The following SRSF6 variants were observed in gnomAD, a reference collection of about 807,000 sequenced individuals.
The protein encoded by SRSF6 is serine and arginine rich splicing factor 6.
In SRSF6, 17 loss-of-function variants were observed where a neutral mutation model predicts 42.0. The observed-to-expected ratio is 0.40, with a 90% CI of 0.28 to 0.61. SRSF6 has a LOEUF of 0.61. Among genes scored for constraint, SRSF6 ranks in the 20% least tolerant of loss-of-function variants. SRSF6 has a pLI of 0.37. For missense variants in SRSF6, 379 were observed against 471.4 expected, an observed-to-expected ratio of 0.80 and a Z score of 1.81; for synonymous variants, 204 against 166.7, an observed-to-expected ratio of 1.22 and a Z score of -1.72.
Position 43,463,930 on chromosome 20 carries a change from A to G in SRSF6, c.*2867A>G, listed in dbSNP as rs942739242. The G allele has an allele frequency of 6.6e-6, 1 of 152,244 alleles. No individual in the cohort carries two copies. The highest frequency in any genetic ancestry group is 2.4e-5 in the African/African-American group (1 of 41,472). 9.4% of individuals were successfully genotyped at this position (152,244 alleles called of 1,614,324 possible). On this transcript the variant is annotated 3_prime_UTR_variant, in exon 6 of 6. Coordinates refer to ENST00000244020, the MANE Select transcript of SRSF6 (RefSeq NM_006275.6). ...TTACAAATATACATGGTTGGACCAT[A>G]CCTTGGAATCTACTTGCTAATGCAG...
intron 2 of SRSF6, chr20:43,459,088 A>T: frequency 7.6e-7 from 1 of 1,323,968 alleles, no homozygotes; most frequent in Non-Finnish European, 1.0e-6. Flanking sequence ...TAAATGTTTG[A>T]TGTTTAAATT....
Position 43,461,337 on chromosome 20 carries a change from G to GTTTGTTTTTTTTT in SRSF6, c.*277_*278insGTTTTTTTTTTTT, listed in dbSNP as rs2017589449. On this transcript the variant is annotated 3_prime_UTR_variant, in exon 6 of 6. Coordinates refer to ENST00000244020, the MANE Select transcript of SRSF6 (RefSeq NM_006275.6). The stretch of plus-strand genomic sequence containing the variant: ...GTAAAGATTAAGCTCATTTAGTGTT[G>GTTTGTTTTTTTTT]TTTTTTTTTTTTTTTTTTTTTTTTT... 2.3e-5 allele frequency: 1 copy of GTTTGTTTTTTTTT among 43,828 alleles called. No homozygotes were observed. The highest frequency in any genetic ancestry group is 8.2e-5 in the African/African-American group (1 of 12,240). 2.7% of individuals were successfully genotyped at this position (43,828 alleles called of 1,614,324 possible).
intron 2 of SRSF6, 117 bp downstream of exon 2, chr20:43,458,626 C>A: frequency 9.5e-7 from 1 of 1,054,730 alleles, no homozygotes; most frequent in Non-Finnish European, 1.3e-6. Context: ...ACTTGGGTGT[C>A]CCCGAGCCCC....
Position 43,460,930 on chromosome 20 carries a change from C to G in SRSF6, c.902C>G (p.Ser301Cys). 1.9e-6 allele frequency: 3 copies of G among 1,614,172 alleles called. No individual in the cohort carries two copies. Among genetic ancestry groups the G allele is most frequent in the Non-Finnish European group, 2.5e-6 (3 of 1,180,028 alleles). Residue 301 changes from serine (S) to cysteine (C), a missense_variant, in exon 6 of 6, where the codon TCC (serine) becomes TGC (cysteine). By Grantham distance (112) the Ser-to-Cys change is moderately radical. Around this residue, in one of 3 missense-constraint regions of SRSF6, gnomAD observed 219 missense variants for 216.1 expected, o/e 1.01. Transcript: ENST00000244020. ...TCCAGATCAAGGAGCCAGTCCCGTT[C>G]CAATTCGCCGCTACCTGTTCCACCC... ...SKSRSRSQSR[S>C]NSPLPVPPSK...
rs145109946 is a variant in SRSF6, at chr20:43,460,864, G to C, written c.836G>C (p.Arg279Pro). 6.2e-7 allele frequency: 1 copy of C among 1,613,920 alleles called. No individual in the cohort carries two copies. Among genetic ancestry groups the C allele is most frequent in the South Asian group, 1.1e-5 (1 of 91,084 alleles). Residue 279 changes from arginine to proline, a missense_variant, in exon 6 of 6, where the codon CGA (arginine) becomes CCA (proline). Physicochemically the swap from Arg to Pro is moderately radical, Grantham distance 103. This residue lies in a region of SRSF6 where 219 missense variants were observed against 216.1 expected (regional missense o/e 1.01). Transcript: ENST00000244020. ...YEKSRSRSRS[R>P]SPKENGKGDI... The stretch of plus-strand genomic sequence containing the variant: ...AAATCTCGAAGCAGGTCTCGGTCCC[G>C]ATCCCCTAAAGAAAATGGAAAGGGT...
At chr20:43,458,270 G>A in intron 1 of SRSF6, 91 bp from the exon 2 acceptor site, 7 of 1,397,698 alleles carry the variant, frequency 5.0e-6, no homozygotes, top group Non-Finnish European at 6.5e-6. Flanking sequence ...GCGCGGCGTC[G>A]CGGGGGCGCG....
In SRSF6 at chr20:43,464,164, CT is replaced by C. The variant is rs1348801219; in HGVS notation, c.*3104del. 6.6e-6 allele frequency: 1 copy of C among 152,124 alleles called. No homozygotes were observed. Among genetic ancestry groups the C allele is most frequent in the Non-Finnish European group, 1.5e-5 (1 of 68,028 alleles). 9.4% of individuals were successfully genotyped at this position (152,124 alleles called of 1,614,324 possible). ...TTCAGAACCAACAGTGTGAATAATC[CT>C]TTCAGTTGTCTATCAGCATGAATTT... On this transcript the variant is annotated 3_prime_UTR_variant, in exon 6 of 6. Transcript: ENST00000244020.
At position 43,460,844 on chromosome 20, in the gene SRSF6, T is replaced by C. The variant is rs375642073; in HGVS notation, c.816T>C (p.Ser272=). 220 of 1,613,972 alleles carry C rather than the reference T, an allele frequency of 1.4e-4. No individual in the cohort carries two copies. The highest frequency in any genetic ancestry group is 1.8e-4 in the Non-Finnish European group (211 of 1,180,032). ...GATCTAAGGATGAGTATGAGAAATCTCGAAGCAGGTCTCGGTCCCGATCCC... is the reference window on the plus strand; with the variant it reads ...GATCTAAGGATGAGTATGAGAAATCCCGAAGCAGGTCTCGGTCCCGATCCC... ...RSRSKDEYEK[S]RSRSRSRSPK... is the part of the protein sequence containing the mutation. The change falls in exon 6 of 6, where the codon TCT becomes TCC. Residue 272 remains serine, a synonymous_variant. Transcript: ENST00000244020.
intron 2 of SRSF6, chr20:43,459,094 AAATTGTTGCATGTTGAATTCAAACTTTT>A: frequency 7.5e-7 from 1 of 1,335,764 alleles, no homozygotes; most frequent in Non-Finnish European, 9.9e-7. Context: ...TTTGATGTTT[AAATTGTTGCATGTTGAATTCAAACTTTT>A]TAACAAGTCC....
At chr20:43,458,823 TTACC>T (rs112824898) in intron 2 of SRSF6, among the ~76,000 whole-genome samples, 3,842 of 150,754 alleles carry the variant, frequency 0.025, 175 homozygotes, top group African/African-American at 0.089. Flanking sequence ...TTCTCCTTAC[TTACC>T]TATCAGTGCA....
chr20:43,458,163 CGCCCAGCGTCCCAGGCCTGG>C (rs2017528402), intron 1 of SRSF6, 23 bp downstream of exon 1: 1 of 1,604,178 alleles, frequency 6.2e-7, no homozygotes, highest in African/African-American at 1.3e-5. Context: ...TGGGCGCCCG[CGCCCAGCGTCCCAGGCCTGG>C]TGGCGGCGGG....
At position 43,461,809 on chromosome 20, in the gene SRSF6, T is replaced by C. The variant is rs191389157; in HGVS notation, c.*746T>C. On this transcript the variant is annotated 3_prime_UTR_variant, in exon 6 of 6. Coordinates refer to ENST00000244020, the MANE Select transcript of SRSF6 (RefSeq NM_006275.6). ...TCCATGATTTTGCTTAAATTAATAC[T>C]TTTAAGTAATGGAACTTTTTTCAAA... is the stretch of plus-strand genomic sequence containing the variant. 1.3e-5 allele frequency: 2 copies of C among 152,744 alleles called. No homozygotes were observed. The highest frequency in any genetic ancestry group is 4.8e-5 in the African/African-American group (2 of 41,584). 9.5% of individuals were successfully genotyped at this position (152,744 alleles called of 1,614,324 possible).
Position 43,459,808 on chromosome 20 carries a change from C to T in SRSF6, c.294C>T (p.Gly98=), listed in dbSNP as rs375098434. 47 of 1,613,664 alleles carry T rather than the reference C, an allele frequency of 2.9e-5. No homozygotes were observed. Among genetic ancestry groups the T allele is most frequent in the Non-Finnish European group, 3.7e-5 (44 of 1,180,038 alleles). ...GGGYSSRRTS[G]RDKYGPPVRT... ...GATACAGCAGTCGGAGAACATCTGG[C>T]AGAGACAAATACGGACCACCTGTTC... The change falls in exon 3 of 6, where the codon GGC becomes GGT. Residue 98 remains glycine, a synonymous_variant. Transcript: ENST00000244020.
chr20:43,460,926 C>T lies in SRSF6; in HGVS notation c.898C>T (p.Arg300Cys), dbSNP rs146307833. The T allele has an allele frequency of 2.5e-5, 41 of 1,614,112 alleles. No homozygotes were observed. The highest frequency in any genetic ancestry group is 1.3e-4 in the East Asian group (6 of 44,880). ...AAAATCCAGATCAAGGAGCCAGTCCCGTTCCAATTCGCCGCTACCTGTTCC... is the reference window on the plus strand; with the variant it reads ...AAAATCCAGATCAAGGAGCCAGTCCTGTTCCAATTCGCCGCTACCTGTTCC... Reference protein sequence around the residue: ...KSKSRSRSQSRSNSPLPVPPS... With the variant: ...KSKSRSRSQSCSNSPLPVPPS... Residue 300 changes from arginine to cysteine, a missense_variant, in exon 6 of 6, where the codon CGT becomes TGT. Physicochemically the swap from Arg to Cys is radical, Grantham distance 180. Transcript: ENST00000244020.
In SRSF6 at chr20:43,463,152, A is replaced by T. The variant is rs1356789399; in HGVS notation, c.*2089A>T. The T allele has an allele frequency of 6.5e-6, 1 of 154,050 alleles. No individual in the cohort carries two copies. Among genetic ancestry groups the T allele is most frequent in the Admixed American group, 6.5e-5 (1 of 15,288 alleles). The allele number at this position is 154,050 out of a possible 1,614,324, so 9.5% of individuals were successfully genotyped here. On this transcript the variant is annotated 3_prime_UTR_variant, in exon 6 of 6. Transcript: ENST00000244020. ...GTTTGACTATATTGTTAGCTGCCAC[A>T]GTAAGCAGGTCATTGTATAGGTAAA...
chr20:43,458,151 C>A lies in SRSF6; in HGVS notation c.107+11C>A, dbSNP rs1308644245. ...AGACCTCAAAAATGGGTGAGTCGGGCCTGGGCGCCCGCGCCCAGCGTCCCA... is the reference window on the plus strand; with the variant it reads ...AGACCTCAAAAATGGGTGAGTCGGGACTGGGCGCCCGCGCCCAGCGTCCCA... On this transcript the variant is annotated intron_variant, in intron 1 of 5. Coordinates refer to ENST00000244020, the MANE Select transcript of SRSF6 (RefSeq NM_006275.6). The A allele has an allele frequency of 1.2e-5, 20 of 1,609,976 alleles. No individual in the cohort carries two copies. The highest frequency in any genetic ancestry group is 1.5e-5 in the Non-Finnish European group (18 of 1,177,750).
chr20:43,458,185 G>A (rs865832929), intron 1 of SRSF6, 45 bp downstream of exon 1: 1 of 1,586,696 alleles, frequency 6.3e-7, no homozygotes, highest in East Asian at 2.3e-5. Flanking sequence ...CAGGCCTGGT[G>A]GCGGCGGGAA....
At chr20:43,458,749 C>T (rs1201998347) in intron 2 of SRSF6, among the ~76,000 whole-genome samples, 2 of 152,080 alleles carry the variant, frequency 1.3e-5, no homozygotes, top group African/African-American at 4.8e-5. Flanking sequence ...TTCTTCTGGC[C>T]CCTTGTCAGC....
At position 43,461,253 on chromosome 20, in the gene SRSF6, CCTT is replaced by C. The variant is rs1158557721; in HGVS notation, c.*194_*196del. ...GAAATGGTGGCATGAAGACCCTCTC[CCTT>C]CTTTGTAGAATTAAGATAACTTTGA... On this transcript the variant is annotated 3_prime_UTR_variant, in exon 6 of 6. Coordinates refer to ENST00000244020, the MANE Select transcript of SRSF6 (RefSeq NM_006275.6). The C allele has an allele frequency of 2.2e-5, 14 of 628,474 alleles. 1 individual carries two copies. The South Asian group carries it at 3.6e-4, about 16-fold the overall frequency. 38.9% of individuals were successfully genotyped at this position (628,474 alleles called of 1,614,324 possible).
Sources: gnomAD v4.1 joint callset for allele counts (sites outside exome capture counted in the v4.1 genomes callset) on GRCh38, gnomAD v4.1.1 for gene constraint, gnomAD v4.1.1 regional missense constraint, MANE v1.5 for transcripts, NCBI Gene and HGNC (gene_info 2026-07-23, HGNC 2026-07-21) for gene names.